NCOA4: variants seen among roughly 807,000 people sequenced by gnomAD.
NCOA4 encodes the protein 70 kDa AR-activator.
NCOA4 carries 31 observed loss-of-function variants against 69.5 expected under a neutral mutation model. The observed-to-expected ratio is 0.45, with a 90% CI of 0.34 to 0.60. The LOEUF is 0.60. Among genes scored for constraint, NCOA4 ranks in the 20% least tolerant of loss-of-function variants. The pLI is 0.02. For missense variants in NCOA4, 600 were observed against 719.2 expected, an observed-to-expected ratio of 0.83 and a Z score of 1.90; for synonymous variants, 228 against 252.4, an observed-to-expected ratio of 0.90 and a Z score of 0.92.
At chr10:46,007,890 C>T (rs1838943630) in intron 9 of NCOA4, among the ~76,000 whole-genome samples, 1 of 152,126 alleles carries the variant, frequency 6.6e-6, no homozygotes, top group Non-Finnish European at 1.5e-5. Flanking sequence ...CACCTGGCCA[C>T]TGGTGGCTAA....
intron 1 of NCOA4, chr10:46,023,605 C>T: frequency 1.2e-6 from 1 of 867,528 alleles, no homozygotes; most frequent in Non-Finnish European, 1.4e-6. Flanking sequence ...CCCTGCTAGA[C>T]GCCTGCTGCC....
intron 1 of NCOA4, chr10:46,023,556 C>T (rs1185035288): frequency 3.1e-6 from 3 of 980,348 alleles, no homozygotes; most frequent in African/African-American, 1.7e-5. Flanking sequence ...TCCCCGCTGG[C>T]GCTCGCGGCC....
At chr10:46,022,406 C>T (rs1185218817) in intron 1 of NCOA4, 10 of 452,278 alleles carry the variant, frequency 2.2e-5, no homozygotes, top group African/African-American at 1.9e-4. Flanking sequence ...GCAATTTTAC[C>T]TTGAGACTTT....
chr10:46,018,152 T>C (rs564596922), intron 1 of NCOA4, among the ~76,000 whole-genome samples: 1 of 152,230 alleles, frequency 6.6e-6, no homozygotes, highest in Non-Finnish European at 1.5e-5. Flanking sequence ...TGTAAAGTTT[T>C]GAGAGGCACA....
chr10:46,005,622 G>C lies in NCOA4; in HGVS notation c.*970C>G, dbSNP rs1339983509. 9.1e-6 allele frequency: 2 copies of C among 219,336 alleles called. No homozygotes were observed. The highest frequency in any genetic ancestry group is 4.5e-5 in the African/African-American group (2 of 44,540). 13.6% of individuals were successfully genotyped at this position (219,336 alleles called of 1,614,324 possible). A position where few individuals can be genotyped will look rare whatever the true frequency, so the allele number is the denominator to read the frequency against. ...ACCCCAAGGCACAAGTGTTGAAAACGGCCTGTTCACTAAAACGTCACTTTT... is the reference window on the plus strand; with the variant it reads ...ACCCCAAGGCACAAGTGTTGAAAACCGCCTGTTCACTAAAACGTCACTTTT... On this transcript the variant is annotated 3_prime_UTR_variant, in exon 10 of 10. Coordinates refer to ENST00000581486, the MANE Select transcript of NCOA4 (RefSeq NM_001145263.2).
In NCOA4 at chr10:46,011,322, C is replaced by T. The variant is rs563856544; in HGVS notation, c.715-116G>A. The T allele has an allele frequency of 1.7e-4, 176 of 1,021,082 alleles. 1 individual carries two copies. The South Asian group carries it at 1.9e-3, about 11-fold the overall frequency. The allele number at this position is 1,021,082 out of a possible 1,614,324, so 63.3% of individuals were successfully genotyped here. A position where few individuals can be genotyped will look rare whatever the true frequency, so the allele number is the denominator to read the frequency against. On this transcript the variant is annotated intron_variant, in intron 7 of 9. Transcript: ENST00000581486. The stretch of plus-strand genomic sequence containing the variant: ...TCACTCTGTCGCCCAGGCTGGAGTG[C>T]GGTGGCACAATCTCAGCTCACTGCA...
intron 4 of NCOA4, 118 bp downstream of exon 4, chr10:46,014,736 C>A (rs1461542356): frequency 2.3e-6 from 2 of 858,508 alleles, no homozygotes; most frequent in African/African-American, 1.7e-5. Flanking sequence ...GCAGAATGAT[C>A]TTATCCTAGC....
chr10:46,005,605 G>C lies in NCOA4; in HGVS notation c.*987C>G. Reference sequence around the variant, plus strand: ...ACAAAGCTTCAATGAACACCCCAAGGCACAAGTGTTGAAAACGGCCTGTTC... The same window carrying C: ...ACAAAGCTTCAATGAACACCCCAAGCCACAAGTGTTGAAAACGGCCTGTTC... On this transcript the variant is annotated 3_prime_UTR_variant, in exon 10 of 10. Transcript: ENST00000581486. 4.5e-6 allele frequency: 1 copy of C among 219,912 alleles called. No homozygotes were observed. The highest frequency in any genetic ancestry group is 9.1e-6 in the Non-Finnish European group (1 of 109,344). The allele number at this position is 219,912 out of a possible 1,614,324, so 13.6% of individuals were successfully genotyped here. A position where few individuals can be genotyped will look rare whatever the true frequency, so the allele number is the denominator to read the frequency against.
chr10:46,028,883 CTGAAT>C (rs1488046883), intron 1 of NCOA4, among the ~76,000 whole-genome samples: 1 of 152,028 alleles, frequency 6.6e-6, no homozygotes, highest in Non-Finnish European at 1.5e-5. Flanking sequence ...ATGACTGGCT[CTGAAT>C]GCTAACACTA....
intron 1 of NCOA4, among the ~76,000 whole-genome samples, chr10:46,020,285 T>C (rs533896992): frequency 6.6e-6 from 1 of 152,316 alleles, no homozygotes; most frequent in African/African-American, 2.4e-5. Flanking sequence ...GTCTCCAAGC[T>C]TGAGACCCCT....
chr10:46,022,185 C>G (rs1199998248), intron 1 of NCOA4, among the ~76,000 whole-genome samples: 1 of 152,070 alleles, frequency 6.6e-6, no homozygotes, highest in African/African-American at 2.4e-5. Flanking sequence ...GCCCCTGCCC[C>G]TCCAAAGACC....
Position 46,012,736 on chromosome 10 carries a change from C to T in NCOA4, c.714+147G>A, listed in dbSNP as rs150493422. 1.2e-4 allele frequency: 93 copies of T among 751,010 alleles called. No individual in the cohort carries two copies. The Middle Eastern group carries it at 1.3e-3, about 11-fold the overall frequency. 46.5% of individuals were successfully genotyped at this position (751,010 alleles called of 1,614,324 possible). ...TCTATGATAAAGAGTTCCTTATTTT[C>T]TAAACTTTCTATGATGAAGAGACTA... On this transcript the variant is annotated intron_variant, in intron 7 of 9. Transcript: ENST00000581486.
At chr10:46,022,781 T>A in intron 1 of NCOA4, among the ~76,000 whole-genome samples, 1 of 152,112 alleles carries the variant, frequency 6.6e-6, no homozygotes, top group East Asian at 1.9e-4. Context: ...TTGTTTTTTA[T>A]ACAACTCATT....
chr10:46,021,010 A>G (rs1449297046), intron 1 of NCOA4, among the ~76,000 whole-genome samples: 1 of 152,232 alleles, frequency 6.6e-6, no homozygotes, highest in Non-Finnish European at 1.5e-5. Flanking sequence ...GGAAACACAC[A>G]TACCCTTCAA....
chr10:46,010,851 C>G lies in NCOA4; in HGVS notation c.1070G>C (p.Gly357Ala). The G allele has an allele frequency of 1.2e-6, 2 of 1,613,942 alleles. No individual in the cohort carries two copies. Among genetic ancestry groups the G allele is most frequent in the Non-Finnish European group, 1.7e-6 (2 of 1,179,862 alleles). Residue 357 changes from glycine (G) to alanine (A), a missense_variant, in exon 8 of 10, where the codon GGT (glycine) becomes GCT (alanine). Coordinates refer to ENST00000581486, the MANE Select transcript of NCOA4 (RefSeq NM_001145263.2). Reference sequence around the variant, plus strand: ...ATTGCCCAGGTTTTCAATCTCCACACCTTTGGGCTGGTTTCCCTGACAGTT... The same window carrying G: ...ATTGCCCAGGTTTTCAATCTCCACAGCTTTGGGCTGGTTTCCCTGACAGTT... ...CTNCQGNQPK[G>A]VEIENLGNLK...
At chr10:46,014,722 T>TGA in intron 4 of NCOA4, 132 bp downstream of exon 4, 1 of 796,642 alleles carries the variant, frequency 1.3e-6, no homozygotes, top group South Asian at 1.8e-5. Flanking sequence ...ATTAAATACA[T>TGA]GAAGCAGAAT....
At chr10:46,012,785 C>CATTGT in intron 7 of NCOA4, 98 bp downstream of exon 7, 1 of 1,263,096 alleles carries the variant, frequency 7.9e-7, no homozygotes, top group East Asian at 2.7e-5. Context: ...TTCCAGACTG[C>CATTGT]AACCAAAAAG....
intron 9 of NCOA4, among the ~76,000 whole-genome samples, chr10:46,008,274 C>A (rs868966682): frequency 1.1e-4 from 17 of 152,318 alleles, no homozygotes; most frequent in African/African-American, 4.1e-4. Context: ...TCTGATAGAT[C>A]TGGGCAAAGT....
At chr10:46,013,361 T>A (rs923541956) in intron 6 of NCOA4, among the ~76,000 whole-genome samples, 189 bp downstream of exon 6, 8 of 152,234 alleles carry the variant, frequency 5.3e-5, no homozygotes, top group Admixed American at 2.0e-4. Context: ...TTTCTGTTAA[T>A]CAGCCCCGAC....
Sources: gnomAD v4.1 joint callset for allele counts (sites outside exome capture counted in the v4.1 genomes callset) on GRCh38, gnomAD v4.1.1 for gene constraint, MANE v1.5 for transcripts, NCBI Gene and HGNC (gene_info 2026-07-23, HGNC 2026-07-21) for gene names.